The following MTMR7 variants were observed in gnomAD, a reference collection of about 807,000 sequenced individuals.
MTMR7 encodes phosphatidylinositol-3-phosphate phosphatase MTMR7.
In MTMR7, 76 loss-of-function variants were observed where a neutral mutation model predicts 81.2. The ratio of observed to expected loss-of-function variants is 0.94; its 90% CI spans 0.78 to 1.13. The LOEUF is 1.13. Among genes scored for constraint, MTMR7 ranks in the 50% most tolerant of loss-of-function variants. The pLI is 0.00. For missense variants in MTMR7, 1,044 were observed against 820.0 expected (o/e 1.27, Z -3.34); for synonymous variants, 372 against 289.8 (o/e 1.28, Z -2.88).
At chr8:17,373,379 T>G (rs772550733) in intron 1 of MTMR7, 139 bp from the exon 2 acceptor site, 2 of 942,310 alleles carry the variant, frequency 2.1e-6, no homozygotes, top group Non-Finnish European at 3.0e-6. Flanking sequence ...ACCAAAAACT[T>G]CCCCTTAAGT....
chr8:17,410,126 G>C (rs1005137750), intron 1 of MTMR7, among the ~76,000 whole-genome samples: 1 of 151,270 alleles, frequency 6.6e-6, no homozygotes, highest in African/African-American at 2.4e-5. Context: ...CTGTGAGAAA[G>C]GGATTAGAAA....
rs763473573 is a variant in MTMR7, at chr8:17,297,918, GTT to G, written c.*1942_*1943del. 3.9e-5 allele frequency: 6 copies of G among 151,986 alleles called. No individual in the cohort carries two copies. Among genetic ancestry groups the G allele is most frequent in the East Asian group, 1.9e-4 (1 of 5,200 alleles). The allele number at this position is 151,986 out of a possible 1,614,324, so 9.4% of individuals were successfully genotyped here. Reference sequence around the variant, plus strand: ...TGTAAAAAAGTTGAGGGGACTAAAAGTTTATGACTCTGATATGGAAGTTGTCA... The same window carrying G: ...TGTAAAAAAGTTGAGGGGACTAAAAGTATGACTCTGATATGGAAGTTGTCA... On this transcript the variant is annotated 3_prime_UTR_variant, in exon 14 of 14. Transcript: ENST00000180173.
At chr8:17,329,522 A>G (rs1224614630) in intron 7 of MTMR7, among the ~76,000 whole-genome samples, 2 of 152,254 alleles carry the variant, frequency 1.3e-5, no homozygotes, top group Non-Finnish European at 2.9e-5. Flanking sequence ...ACGAGAAACC[A>G]AAGATTACCC....
intron 1 of MTMR7, among the ~76,000 whole-genome samples, chr8:17,381,853 A>C (rs540709296): frequency 6.6e-6 from 1 of 152,262 alleles, no homozygotes; most frequent in African/African-American, 2.4e-5. Flanking sequence ...ACATGAAAAG[A>C]AAAGTATTTG....
intron 1 of MTMR7, among the ~76,000 whole-genome samples, chr8:17,402,837 G>C (rs774126433): frequency 2.0e-5 from 3 of 152,122 alleles, no homozygotes; most frequent in Non-Finnish European, 4.4e-5. Context: ...TCTCCATAGT[G>C]ATTGTACTAA....
rs768209858 is a variant in MTMR7, at chr8:17,300,095, C to T, written c.1750G>A (p.Gly584Arg). The T allele has an allele frequency of 1.9e-6, 3 of 1,614,022 alleles. No individual in the cohort carries two copies. The African/African-American group carries it at 4.0e-5, about 22-fold the overall frequency. Reference protein sequence around the residue: ...SIANTPQDYSGNMKSFPSRSP... With the variant: ...SIANTPQDYSRNMKSFPSRSP... ...CGGGATGGAAATGATTTCATATTCC[C>T]ACTGTAATCCTGGGGAGTGTTGGCT... The change falls in exon 14 of 14, where the codon GGG becomes AGG. Residue 584 changes from glycine (G) to arginine (R), a missense_variant. Coordinates refer to ENST00000180173, the MANE Select transcript of MTMR7 (RefSeq NM_004686.5).
rs778873303 is a variant in MTMR7 at position 17,309,325 on chromosome 8, A to G, written c.1103T>C (p.Val368Ala). 1.9e-6 allele frequency: 3 copies of G among 1,556,966 alleles called. No homozygotes were observed. Among genetic ancestry groups the G allele is most frequent in the Non-Finnish European group, 2.7e-6 (3 of 1,129,226 alleles). ...PHYRTLKGFM[V>A]LIEKDWISFG... ...GGAAATCCAGTCCTTTTCAATTAAT[A>G]CCTACACAAGAAAGAATACAAATAT... Residue 368 changes from valine (V) to alanine (A), a missense_variant and splice_region_variant, in exon 10 of 14, where the codon GTA (valine) becomes GCA (alanine). By Grantham distance (64) the Val-to-Ala change is moderately conservative. Transcript: ENST00000180173.
intron 5 of MTMR7, among the ~76,000 whole-genome samples, chr8:17,346,886 A>T (rs922636088): frequency 6.5e-5 from 6 of 92,228 alleles, no homozygotes; most frequent in African/African-American, 5.1e-4. Flanking sequence ...TATCTTAATA[A>T]AAAAAAAAAA....
At chr8:17,412,776 G>C (rs1360571513) in intron 1 of MTMR7, among the ~76,000 whole-genome samples, 1 of 152,160 alleles carries the variant, frequency 6.6e-6, no homozygotes. Flanking sequence ...TCAGGATGAG[G>C]ATGCTGACTG....
At chr8:17,339,061 T>C (rs1048335419) in intron 6 of MTMR7, 1 of 152,182 alleles carries the variant, frequency 6.6e-6, no homozygotes, top group Non-Finnish European at 1.5e-5. Flanking sequence ...GTTCAGAGAA[T>C]CCGTGAAAAT....
At chr8:17,379,820 G>A (rs1198552078) in intron 1 of MTMR7, among the ~76,000 whole-genome samples, 1 of 152,086 alleles carries the variant, frequency 6.6e-6, no homozygotes, top group East Asian at 1.9e-4. Context: ...TAATTAGGTA[G>A]TGAAGCACCA....
rs879276065 is a variant in MTMR7, at chr8:17,405,866, ACACACACACACACC to A, written c.24+7389_24+7402del. Among the ~76,000 whole-genome samples the A allele has an allele frequency of 4.8e-3, 498 of 103,824 alleles. 2 individuals are homozygous for A. Among genetic ancestry groups the A allele is most frequent in the Middle Eastern group, 0.013 (3 of 224 alleles). The allele number at this position is 103,824 out of a possible 152,430, so 68.1% of individuals were successfully genotyped here. ...CACACACACACACACACACACACAC[ACACACACACACACC>A]ACAGAGAAAATGGACATGATTTTCT... On this transcript the variant is annotated intron_variant, in intron 1 of 13. Transcript: ENST00000180173.
chr8:17,362,983 G>C (rs1158501525), intron 3 of MTMR7, among the ~76,000 whole-genome samples: 1 of 152,214 alleles, frequency 6.6e-6, no homozygotes, highest in East Asian at 1.9e-4. Flanking sequence ...ATGTCAGTGA[G>C]ATAAATTATA....
At chr8:17,401,859 T>C (rs955007167) in intron 1 of MTMR7, among the ~76,000 whole-genome samples, 2 of 152,116 alleles carry the variant, frequency 1.3e-5, no homozygotes, top group Admixed American at 1.3e-4. Flanking sequence ...CTATTAGATA[T>C]ACAAATTATT....
intron 7 of MTMR7, among the ~76,000 whole-genome samples, chr8:17,330,580 C>G (rs901095145): frequency 6.6e-6 from 1 of 152,248 alleles, no homozygotes; most frequent in Non-Finnish European, 1.5e-5. Flanking sequence ...CATAATCCAT[C>G]TCTTTAATTT....
At chr8:17,372,904 C>T (rs1188790065) in intron 2 of MTMR7, 3 of 508,128 alleles carry the variant, frequency 5.9e-6, no homozygotes, top group Admixed American at 3.5e-5. Context: ...AGTCTCTCTT[C>T]ACTGATGTTC....
intron 1 of MTMR7, among the ~76,000 whole-genome samples, chr8:17,407,275 A>T (rs1821615417): frequency 1.3e-5 from 2 of 152,138 alleles, no homozygotes; most frequent in African/African-American, 2.4e-5. Flanking sequence ...GGTAAAAAAA[A>T]ATACACTAAA....
At chr8:17,385,479 G>A (rs751819447) in intron 1 of MTMR7, among the ~76,000 whole-genome samples, 4 of 152,166 alleles carry the variant, frequency 2.6e-5, no homozygotes, top group Admixed American at 2.0e-4. Context: ...CCCTGCATAA[G>A]CCTTCTCTCT....
At chr8:17,335,955 T>C (rs1274484824) in intron 6 of MTMR7, among the ~76,000 whole-genome samples, 1 of 152,170 alleles carries the variant, frequency 6.6e-6, no homozygotes, top group East Asian at 1.9e-4. Context: ...CTCTTTATTG[T>C]AGGCCCTATC....
Sources: gnomAD v4.1 joint callset for allele counts (sites outside exome capture counted in the v4.1 genomes callset) on GRCh38, gnomAD v4.1.1 for gene constraint, MANE v1.5 for transcripts, NCBI Gene and HGNC (gene_info 2026-07-23, HGNC 2026-07-21) for gene names.